Variants in KCNQ5 observed in about 807,000 individuals in gnomAD.
KCNQ5 encodes potassium voltage-gated channel subfamily Q member 5, also known as potassium voltage-gated channel subfamily KQT member 5.
KCNQ5 carries 30 observed loss-of-function variants against 98.2 expected under a neutral mutation model. The ratio of observed to expected loss-of-function variants is 0.31; its 90% CI spans 0.23 to 0.41. KCNQ5 has a LOEUF of 0.41. Among genes scored for constraint, KCNQ5 ranks in the 10% least tolerant of loss-of-function variants. The pLI, the probability that KCNQ5 is intolerant of heterozygous loss-of-function variation, is 1.00. For synonymous variants in KCNQ5, 458 were observed against 449.4 expected, an observed-to-expected ratio of 1.02 and a Z score of -0.24; for missense variants, 835 against 1,182.5, an observed-to-expected ratio of 0.71 and a Z score of 4.31.
chr6:73,080,726 G>A (rs1265273748), intron 5 of KCNQ5, among the ~76,000 whole-genome samples: 3 of 152,094 alleles, frequency 2.0e-5, no homozygotes, highest in Non-Finnish European at 4.4e-5. Context: ...GTTACACTTT[G>A]ATGAAAAAAG....
At chr6:73,192,778 T>C in intron 13 of KCNQ5, 87 bp downstream of exon 13, 1 of 1,120,980 alleles carries the variant, frequency 8.9e-7, no homozygotes, top group Non-Finnish European at 1.2e-6. Flanking sequence ...TTCCAGTGAT[T>C]ATTTTAAAAT....
chr6:73,003,417 A>G (rs1331589317), intron 1 of KCNQ5, among the ~76,000 whole-genome samples: 1 of 152,206 alleles, frequency 6.6e-6, no homozygotes, highest in Non-Finnish European at 1.5e-5. Context: ...ATGAGAATCC[A>G]TGAGCAATAT....
At chr6:73,147,952 G>T (rs967584534) in intron 10 of KCNQ5, among the ~76,000 whole-genome samples, 4 of 152,080 alleles carry the variant, frequency 2.6e-5, no homozygotes, top group Admixed American at 2.0e-4. Context: ...TTTTACAGTT[G>T]CAATAATTTT....
rs532881885 is a variant in KCNQ5, at chr6:73,143,907, C to T, written c.1468+10266C>T. On this transcript the variant is annotated intron_variant, in intron 10 of 13. Transcript: ENST00000370398. ...TCGCACAAAATAAGCACAAAATTAA[C>T]CATTACACAAATCACAGAATTTAGC... is the stretch of plus-strand genomic sequence containing the variant. 4.1e-4 allele frequency among the ~76,000 whole-genome samples: 62 copies of T among 152,274 alleles called. No homozygotes were observed. The South Asian group carries it at 0.01, about 25-fold the overall frequency.
intron 1 of KCNQ5, among the ~76,000 whole-genome samples, chr6:72,762,178 C>A (rs1290625041): frequency 1.9e-4 from 29 of 151,846 alleles, no homozygotes; most frequent in Admixed American, 1.8e-3. Context: ...AGGAAAAATT[C>A]AAAAAATCAC....
At chr6:72,925,153 C>G (rs1402164543) in intron 1 of KCNQ5, among the ~76,000 whole-genome samples, 1 of 152,016 alleles carries the variant, frequency 6.6e-6, no homozygotes, top group South Asian at 2.1e-4. Context: ...TGATTTTTTT[C>G]TCAGAAAGGT....
intron 3 of KCNQ5, among the ~76,000 whole-genome samples, chr6:73,076,245 A>T (rs979947754): frequency 1.1e-4 from 16 of 152,234 alleles, no homozygotes; most frequent in African/African-American, 3.9e-4. Context: ...CTTATACAGC[A>T]GTTAATCCAG....
At chr6:72,683,077 G>A (rs966074878) in intron 1 of KCNQ5, among the ~76,000 whole-genome samples, 9 of 152,162 alleles carry the variant, frequency 5.9e-5, no homozygotes, top group East Asian at 3.8e-4. Flanking sequence ...GGAAGATGGC[G>A]TCCTTACTGC....
chr6:73,172,952 C>T (rs1778066139), intron 11 of KCNQ5, among the ~76,000 whole-genome samples: 1 of 152,130 alleles, frequency 6.6e-6, no homozygotes, highest in Non-Finnish European at 1.5e-5. Context: ...TTCTTATTTT[C>T]AGTTATCAAT....
intron 1 of KCNQ5, among the ~76,000 whole-genome samples, chr6:72,751,118 A>C (rs1459745624): frequency 6.6e-6 from 1 of 152,068 alleles, no homozygotes; most frequent in Non-Finnish European, 1.5e-5. Context: ...GGTTATCCAG[A>C]GTGCTGGTAG....
chr6:72,766,440 C>T (rs545695569), intron 1 of KCNQ5, among the ~76,000 whole-genome samples: 11 of 151,804 alleles, frequency 7.2e-5, no homozygotes, highest in Admixed American at 2.6e-4. Context: ...ATAATCACTC[C>T]AGCTACTGTG....
Position 73,195,139 on chromosome 6 carries a change from C to T in KCNQ5, c.2524C>T (p.Leu842=). The T allele has an allele frequency of 6.2e-7, 1 of 1,614,212 alleles. No individual in the cohort carries two copies. The change falls in exon 14 of 14, where the codon CTG becomes TTG. Residue 842 remains leucine (L), a synonymous_variant. Coordinates refer to ENST00000370398, the MANE Select transcript of KCNQ5 (RefSeq NM_019842.4). ...AAACCTGATCAGGTCGACCGAGGAA[C>T]TGAATATACAACTTTCAGGGAGTGA... ...VQNLIRSTEE[L]NIQLSGSESS...
chr6:73,097,791 A>G (rs918946548), intron 5 of KCNQ5, among the ~76,000 whole-genome samples: 1 of 152,238 alleles, frequency 6.6e-6, no homozygotes, highest in African/African-American at 2.4e-5. Context: ...GTCTACAAGA[A>G]CCATAGCATT....
At chr6:72,962,216 T>TAC (rs1271337102) in intron 1 of KCNQ5, among the ~76,000 whole-genome samples, 193 of 133,100 alleles carry the variant, frequency 1.5e-3, no homozygotes, top group African/African-American at 4.8e-3. Context: ...TATATATATA[T>TAC]ACACACATAT....
intron 1 of KCNQ5, among the ~76,000 whole-genome samples, chr6:72,959,434 G>T (rs911136451): frequency 6.6e-5 from 10 of 152,176 alleles, no homozygotes; most frequent in Non-Finnish European, 1.5e-5. Context: ...AGGTTTCAGA[G>T]TTCCATATTT....
At chr6:72,961,309 T>A (rs1007896703) in intron 1 of KCNQ5, among the ~76,000 whole-genome samples, 1 of 152,008 alleles carries the variant, frequency 6.6e-6, no homozygotes, top group African/African-American at 2.4e-5. Context: ...TGGAAATGAT[T>A]TCAGGTTAAA....
intron 3 of KCNQ5, among the ~76,000 whole-genome samples, chr6:73,066,719 G>A (rs1424679280): frequency 6.6e-6 from 1 of 152,326 alleles, no homozygotes; most frequent in Non-Finnish European, 1.5e-5. Context: ...TGAGAGATAA[G>A]TGGTGACAAA....
intron 10 of KCNQ5, among the ~76,000 whole-genome samples, chr6:73,160,825 C>T (rs1388912274): frequency 1.3e-5 from 2 of 152,150 alleles, no homozygotes; most frequent in Non-Finnish European, 2.9e-5. Flanking sequence ...CGCCTGGGTC[C>T]TAGCCTTTGG....
At chr6:72,756,904 A>G (rs1304137712) in intron 1 of KCNQ5, among the ~76,000 whole-genome samples, 1 of 152,134 alleles carries the variant, frequency 6.6e-6, no homozygotes, top group East Asian at 1.9e-4. Context: ...AATTCCTTTG[A>G]ATCTGTACTA....
Sources: allele counts gnomAD v4.1 joint callset (sites outside exome capture counted in the v4.1 genomes callset), GRCh38; gene constraint gnomAD v4.1.1; transcripts MANE v1.5; gene names NCBI Gene and HGNC (gene_info 2026-07-23, HGNC 2026-07-21).